RDX: variants seen among roughly 807,000 people sequenced by gnomAD.
The protein encoded by RDX is deafness, autosomal recessive 24.
A neutral mutation model predicts 83.7 loss-of-function variants in RDX; 32 were observed. The ratio of observed to expected loss-of-function variants is 0.38; its 90% CI spans 0.29 to 0.51. RDX has a LOEUF of 0.51. RDX is among the 20% of genes least tolerant of loss of function. RDX has a pLI of 0.87. For missense variants in RDX, 600 were observed against 689.9 expected, an observed-to-expected ratio of 0.87 and a Z score of 1.46; for synonymous variants, 229 against 222.7, an observed-to-expected ratio of 1.03 and a Z score of -0.25.
chr11:110,280,595 G>C (rs1031247581), intron 1 of RDX, among the ~76,000 whole-genome samples: 1 of 152,216 alleles, frequency 6.6e-6, no homozygotes, highest in Admixed American at 6.5e-5. Flanking sequence ...AGAAAAATAT[G>C]AATAGCTTAT....
rs1591158664 is a variant in RDX at position 110,257,812 on chromosome 11, A to G, written c.653T>C (p.Leu218Pro). Residue 218 changes from leucine (L) to proline (P), a missense_variant, in exon 7 of 14, where the codon CTA (leucine) becomes CCA (proline). Leu to Pro is a moderately conservative substitution (Grantham distance 98, BLOSUM62 -3). Transcript: ENST00000645495. ...IKNKKGTELWLGVDALGLNIY... is the reference protein window; with the variant it reads ...IKNKKGTELWPGVDALGLNIY... ...ATTCAGACCCAAAGCATCAACACCT[A>G]GCCACAATTCAGTTCCTTTTTTATT... 6.2e-7 allele frequency: 1 copy of G among 1,612,324 alleles called. No homozygotes were observed. Among genetic ancestry groups the G allele is most frequent in the South Asian group, 1.1e-5 (1 of 91,026 alleles).
chr11:110,191,262 TG>T (rs1462426443), intron 15 of RDX, among the ~76,000 whole-genome samples: 1 of 152,262 alleles, frequency 6.6e-6, no homozygotes, highest in Non-Finnish European at 1.5e-5. Flanking sequence ...GATGCAAGGC[TG>T]GTTTAAGACA....
intron 1 of RDX, among the ~76,000 whole-genome samples, chr11:110,294,962 T>C (rs1301362506): frequency 6.6e-6 from 1 of 152,242 alleles, no homozygotes; most frequent in Non-Finnish European, 1.5e-5. Context: ...CATTCCTTGC[T>C]AATAATATAC....
At chr11:110,295,437 G>A (rs999102588) in intron 1 of RDX, among the ~76,000 whole-genome samples, 3 of 151,548 alleles carry the variant, frequency 2.0e-5, no homozygotes, top group Non-Finnish European at 4.4e-5. Flanking sequence ...CAGTCTTAGT[G>A]CCACAAGAAT....
chr11:110,283,566 T>G (rs978852045), intron 1 of RDX, among the ~76,000 whole-genome samples: 2 of 152,158 alleles, frequency 1.3e-5, no homozygotes. Context: ...GTTAATATTT[T>G]TTTCAAAAAG....
At chr11:110,206,260 A>AT (rs1863599981) in intron 14 of RDX, among the ~76,000 whole-genome samples, 1 of 151,242 alleles carries the variant, frequency 6.6e-6, no homozygotes, top group Admixed American at 6.6e-5. Context: ...CCATCTCAAA[A>AT]AAAAAAAAAA....
intron 10 of RDX, among the ~76,000 whole-genome samples, chr11:110,242,027 G>A (rs1565310553): frequency 1.3e-5 from 2 of 152,148 alleles, no homozygotes; most frequent in African/African-American, 2.4e-5. Context: ...GTGGGGAGGG[G>A]GGAAATGGGG....
intron 9 of RDX, among the ~76,000 whole-genome samples, chr11:110,251,087 C>G (rs1859319822): frequency 6.6e-6 from 1 of 152,198 alleles, no homozygotes; most frequent in African/African-American, 2.4e-5. Flanking sequence ...CTCTAACCTT[C>G]AAGCTTCAGT....
chr11:110,181,818 T>G (rs930187314), intron 15 of RDX: 16 of 152,520 alleles, frequency 1.0e-4, no homozygotes, highest in Non-Finnish European at 2.2e-4. Flanking sequence ...TAAGTCAGCT[T>G]CACTGTCCTG....
At chr11:110,218,524 ATC>A (rs1406367693) in intron 14 of RDX, among the ~76,000 whole-genome samples, 4 of 152,178 alleles carry the variant, frequency 2.6e-5, no homozygotes, top group African/African-American at 9.7e-5. Flanking sequence ...GGGAAATTTC[ATC>A]TGACATTCCA....
In RDX at chr11:110,232,048, A is replaced by T; in HGVS notation, c.1588-15T>A. On this transcript the variant is annotated splice_polypyrimidine_tract_variant and intron_variant, in intron 13 of 13. Transcript: ENST00000645495. ...GAACTTAATGCCTATTTAAAAAATA[A>T]AAAGTACAACTATTATTTTTTTCTT... 3 of 1,595,754 alleles carry T rather than the reference A, an allele frequency of 1.9e-6. No homozygotes were observed.
At chr11:110,176,310 T>C (rs1221878937) in intron 15 of RDX, among the ~76,000 whole-genome samples, 1 of 152,102 alleles carries the variant, frequency 6.6e-6, no homozygotes, top group Non-Finnish European at 1.5e-5. Context: ...GTGATCTGCC[T>C]GCCTCAGCCT....
intron 14 of RDX, among the ~76,000 whole-genome samples, chr11:110,209,724 G>C (rs1375216444): frequency 6.8e-6 from 1 of 146,504 alleles, no homozygotes; most frequent in Non-Finnish European, 1.5e-5. Flanking sequence ...CCCAGCAGGG[G>C]CACACTGACA....
chr11:110,264,240 A>G lies in RDX; in HGVS notation c.193-6T>C. The stretch of plus-strand genomic sequence containing the variant: ...TTAACATCCTGCTGTGTTACCTGGA[A>G]AAATAATTTCAAGTATAATCAACAA... On this transcript the variant is annotated splice_polypyrimidine_tract_variant and splice_region_variant and intron_variant, in intron 4 of 13. Transcript: ENST00000645495. The G allele has an allele frequency of 6.3e-7, 1 of 1,590,700 alleles. No homozygotes were observed. Among genetic ancestry groups the G allele is most frequent in the Non-Finnish European group, 8.6e-7 (1 of 1,167,420 alleles).
At chr11:110,219,060 G>C (rs1043790829) in intron 14 of RDX, among the ~76,000 whole-genome samples, 1 of 152,152 alleles carries the variant, frequency 6.6e-6, no homozygotes, top group Non-Finnish European at 1.5e-5. Flanking sequence ...AAGTGCTACA[G>C]AGAAAAATAA....
chr11:110,293,352 TAA>T (rs763509190), intron 1 of RDX, among the ~76,000 whole-genome samples: 1 of 152,222 alleles, frequency 6.6e-6, no homozygotes, highest in Non-Finnish European at 1.5e-5. Context: ...TCTGAGTTTT[TAA>T]ACTTTGCCAT....
chr11:110,287,371 AGAC>A (rs1294642975), intron 1 of RDX, among the ~76,000 whole-genome samples: 1 of 152,216 alleles, frequency 6.6e-6, no homozygotes, highest in African/African-American at 2.4e-5. Context: ...ATTAAAAAAT[AGAC>A]GACACAGTCT....
intron 15 of RDX, among the ~76,000 whole-genome samples, chr11:110,183,377 G>A (rs1204412537): frequency 6.6e-6 from 1 of 152,226 alleles, no homozygotes; most frequent in Non-Finnish European, 1.5e-5. Flanking sequence ...ACCCAGGCTG[G>A]AGTACAGCGG....
At chr11:110,228,868 A>C (rs1336838356), downstream of RDX, among the ~76,000 whole-genome samples, 3 of 151,926 alleles carry the variant, frequency 2.0e-5, no homozygotes, top group Non-Finnish European at 4.4e-5. Flanking sequence ...CAGAGTAAAA[A>C]AATCACTATG....
Sources: gnomAD v4.1 joint callset for allele counts (sites outside exome capture counted in the v4.1 genomes callset) on GRCh38, gnomAD v4.1.1 for gene constraint, MANE v1.5 for transcripts, NCBI Gene and HGNC (gene_info 2026-07-23, HGNC 2026-07-21) for gene names.